The following EDA variants were observed in gnomAD, a reference collection of about 807,000 sequenced individuals.
The protein encoded by EDA is ectodysplasin A.
In EDA, 2 loss-of-function variants were observed where a neutral mutation model predicts 23.6. The observed-to-expected ratio is 0.08, with a 90% CI of 0.03 to 0.27. The LOEUF (loss-of-function observed/expected upper bound fraction) is 0.27. Ranked by LOEUF, EDA falls within the 10% of genes least tolerant of loss-of-function variation. The pLI is 1.00. For synonymous variants in EDA, 131 were observed against 132.0 expected (o/e 0.99, Z 0.05); for missense variants, 229 against 324.2 (o/e 0.71, Z 2.26).
chrX:69,969,946 A>G (rs776992395), intron 2 of EDA, among the ~76,000 whole-genome samples: 10 of 110,231 alleles, frequency 9.1e-5, no homozygotes, highest in Admixed American at 1.9e-4. Context: ...CTCAAAAAAA[A>G]TTTTTTTTAA....
intron 1 of EDA, among the ~76,000 whole-genome samples, chrX:69,811,417 G>A (rs1238439162): frequency 8.9e-6 from 1 of 112,420 alleles, no homozygotes; most frequent in African/African-American, 3.2e-5. Context: ...TAATTAGGTA[G>A]ATTAAATCTA....
At chrX:69,875,321 A>C (rs1569361795) in intron 1 of EDA, among the ~76,000 whole-genome samples, 1 of 111,944 alleles carries the variant, frequency 8.9e-6, no homozygotes, top group Non-Finnish European at 1.9e-5. Flanking sequence ...CCTAGAAATA[A>C]AGTCAAACAC....
chrX:69,819,679 G>A (rs146204138), intron 1 of EDA, among the ~76,000 whole-genome samples: 6,669 of 110,733 alleles, frequency 0.06, 202 homozygotes, highest in Non-Finnish European at 0.088. Flanking sequence ...GGGACATGAA[G>A]GACCTCTTCA....
chrX:69,674,142 T>G (rs754994773), intron 1 of EDA, among the ~76,000 whole-genome samples: 38 of 109,498 alleles, frequency 3.5e-4, no homozygotes, highest in Non-Finnish European at 6.6e-4. Flanking sequence ...TATCTATCTA[T>G]CTATCATCAT....
At chrX:69,677,354 T>C (rs866781870) in intron 1 of EDA, among the ~76,000 whole-genome samples, 1 of 111,059 alleles carries the variant, frequency 9.0e-6, no homozygotes, top group Non-Finnish European at 1.9e-5. Context: ...AGTAATGGGA[T>C]GGCTGGTTCA....
Position 69,863,491 on chromosome X carries a change from GTA to G in EDA, c.397-93523_397-93522del, listed in dbSNP as rs761822557. 2.2e-4 allele frequency among the ~76,000 whole-genome samples: 21 copies of G among 93,398 alleles called. 1 individual carries two copies. Among genetic ancestry groups the G allele is most frequent in the Non-Finnish European group, 3.8e-4 (18 of 47,500 alleles). The allele number at this position is 93,398 out of a possible 115,157, so 81.1% of individuals were successfully genotyped here. ...ACAATAAAGCAAACAGAAGAAAAGT[GTA>G]TATATATATATACATATATATGTAT... On this transcript the variant is annotated intron_variant, in intron 1 of 7. Coordinates refer to ENST00000374552, the MANE Select transcript of EDA (RefSeq NM_001399.5).
chrX:70,027,918 C>T lies in EDA; in HGVS notation c.588C>T (p.Pro196=), dbSNP rs2020137851. The change falls in exon 4 of 8, where the codon CCC becomes CCT. Residue 196 remains proline (P), a synonymous_variant. Coordinates refer to ENST00000374552, the MANE Select transcript of EDA (RefSeq NM_001399.5). ...CAGGACCCCCAGGACCTCCAGGACC[C>T]CAGGGACCCCCAGGAATTCCAGGGA... ...GPPGPPGPPG[P]QGPPGIPGIP... The T allele has an allele frequency of 8.5e-7, 1 of 1,172,374 alleles. No individual in the cohort carries two copies. The highest frequency in any genetic ancestry group is 1.8e-5 in the African/African-American group (1 of 55,431).
At chrX:69,860,985 A>G in intron 1 of EDA, 1 of 510,236 alleles carries the variant, frequency 2.0e-6, no homozygotes, top group South Asian at 2.5e-5. Flanking sequence ...CTAGTCAGCC[A>G]TCTTCAATAA....
chrX:69,893,302 C>T (rs769119336), intron 1 of EDA, among the ~76,000 whole-genome samples: 1 of 111,745 alleles, frequency 8.9e-6, no homozygotes, highest in African/African-American at 3.2e-5. Context: ...GATGATCTAA[C>T]ATTGAGATCA....
At chrX:69,804,356 T>C (rs1359812860) in intron 1 of EDA, among the ~76,000 whole-genome samples, 4 of 111,442 alleles carry the variant, frequency 3.6e-5, no homozygotes, top group Non-Finnish European at 5.7e-5. Flanking sequence ...TCTGATTGTT[T>C]CTTAACAATC....
chrX:69,869,960 G>C (rs2147607289), intron 1 of EDA, among the ~76,000 whole-genome samples: 1 of 111,760 alleles, frequency 8.9e-6, no homozygotes, highest in Non-Finnish European at 1.9e-5. Flanking sequence ...TATTTTGCAA[G>C]GCATCAGTCA....
At position 69,679,835 on chromosome X, in the gene EDA, AT is replaced by A. The variant is rs1163818114; in HGVS notation, c.396+63135del. Among the ~76,000 whole-genome samples the A allele has an allele frequency of 3.7e-5, 4 of 107,259 alleles. No homozygotes were observed. In the Admixed American group the frequency reaches 4.0e-4, roughly 11 times the overall value. The allele number at this position is 107,259 out of a possible 115,157, so 93.1% of individuals were successfully genotyped here. On this transcript the variant is annotated intron_variant, in intron 1 of 7. Transcript: ENST00000374552. ...CTCTATTTCCTTCAGTTCTGCTCTGATTTTAGTTATTTCTTGCCTTCTGCTA... is the reference window on the plus strand; with the variant it reads ...CTCTATTTCCTTCAGTTCTGCTCTGATTTAGTTATTTCTTGCCTTCTGCTA...
chrX:69,671,693 G>A (rs1335893463), intron 1 of EDA, among the ~76,000 whole-genome samples: 1 of 111,674 alleles, frequency 9.0e-6, no homozygotes, highest in African/African-American at 3.3e-5. Context: ...CAGCCATCCT[G>A]GGTTTGTGTG....
chrX:69,624,559 G>A (rs1391848101), intron 1 of EDA, among the ~76,000 whole-genome samples: 2 of 111,249 alleles, frequency 1.8e-5, no homozygotes, highest in Admixed American at 1.9e-4. Context: ...TCTGGCACGT[G>A]GTTAGAGACA....
intron 2 of EDA, among the ~76,000 whole-genome samples, chrX:69,958,503 C>T (rs1217389398): frequency 1.4e-5 from 1 of 69,817 alleles, no homozygotes; most frequent in Non-Finnish European, 2.8e-5. Context: ...AGAACAAGGA[C>T]CCCATAATAA....
intron 1 of EDA, among the ~76,000 whole-genome samples, chrX:69,807,200 A>G (rs979560431): frequency 5.5e-5 from 6 of 109,680 alleles, no homozygotes; most frequent in African/African-American, 2.0e-4. Flanking sequence ...TCTGTGACAC[A>G]TAGTATCTTA....
rs923304975 is a variant in EDA at position 70,024,331 on chromosome X, G to T, written c.526+1090G>T. Reference sequence around the variant, plus strand: ...CACATGGAAAAGTTGTGTGCCTGTTGTAAAGAAGCTGAGGAATGGCCTGGC... The same window carrying T: ...CACATGGAAAAGTTGTGTGCCTGTTTTAAAGAAGCTGAGGAATGGCCTGGC... On this transcript the variant is annotated intron_variant, in intron 3 of 7. Transcript: ENST00000374552. Among the ~76,000 whole-genome samples the T allele has an allele frequency of 2.7e-5, 3 of 112,210 alleles. No individual in the cohort carries two copies. The Admixed American group carries it at 2.8e-4, about 11-fold the overall frequency.
intron 2 of EDA, among the ~76,000 whole-genome samples, chrX:69,966,405 C>A (rs1406951527): frequency 9.1e-6 from 1 of 110,168 alleles, no homozygotes; most frequent in Non-Finnish European, 1.9e-5. Flanking sequence ...CATGGTGAAA[C>A]CCCGTCTCTA....
At chrX:69,882,161 T>G (rs1433319434) in intron 1 of EDA, among the ~76,000 whole-genome samples, 1 of 111,913 alleles carries the variant, frequency 8.9e-6, no homozygotes, top group Non-Finnish European at 1.9e-5. Context: ...CTAGCCTTAA[T>G]ATTATACCAT....
Sources: allele counts gnomAD v4.1 joint callset (sites outside exome capture counted in the v4.1 genomes callset), GRCh38; gene constraint gnomAD v4.1.1; transcripts MANE v1.5; gene names NCBI Gene and HGNC (gene_info 2026-07-23, HGNC 2026-07-21).